The following CTNNA3 variants were observed in gnomAD, a reference collection of about 807,000 sequenced individuals.
CTNNA3 encodes catenin alpha-3.
CTNNA3 carries 76 observed loss-of-function variants against 95.7 expected under a neutral mutation model. The observed-to-expected ratio is 0.79, with a 90% confidence interval of 0.66 to 0.96. The LOEUF (loss-of-function observed/expected upper bound fraction) is 0.96. Among genes scored for constraint, CTNNA3 ranks in the 40% least tolerant of loss-of-function variants. The pLI is 0.00. For synonymous variants in CTNNA3, 431 were observed against 374.4 expected (o/e 1.15, Z -1.74); for missense variants, 1,191 against 1,089.8 (o/e 1.09, Z -1.31).
chr10:67,740,834 A>T (rs1841332940), intron 1 of CTNNA3, among the ~76,000 whole-genome samples: 1 of 151,488 alleles, frequency 6.6e-6, no homozygotes, highest in Non-Finnish European at 1.5e-5. Context: ...ACTATAAATC[A>T]TGCTGCTATA....
intron 7 of CTNNA3, among the ~76,000 whole-genome samples, chr10:67,173,406 G>A (rs1442383590): frequency 6.6e-6 from 1 of 152,076 alleles, no homozygotes; most frequent in African/African-American, 2.4e-5. Context: ...ATTCTGAAAG[G>A]CCATCCCAGC....
intron 10 of CTNNA3, among the ~76,000 whole-genome samples, chr10:66,549,766 T>G (rs979585678): frequency 6.6e-6 from 1 of 152,230 alleles, no homozygotes; most frequent in African/African-American, 2.4e-5. Flanking sequence ...CTGTTTAATT[T>G]ATAGATATTG....
At chr10:66,528,627 G>A (rs1296926123) in intron 10 of CTNNA3, among the ~76,000 whole-genome samples, 1 of 152,122 alleles carries the variant, frequency 6.6e-6, no homozygotes. Flanking sequence ...GATACATTTA[G>A]TTTGTGTTTA....
rs1399262892 is a variant in CTNNA3, at chr10:67,579,012, TATATATATATATATATATATAC to T, written c.292+27823_292+27844del. Among the ~76,000 whole-genome samples the T allele has an allele frequency of 1.5e-3, 107 of 72,672 alleles. 1 individual carries two copies. The highest frequency in any genetic ancestry group is 9.6e-3 in the African/African-American group (91 of 9,464). 47.7% of individuals were successfully genotyped at this position (72,672 alleles called of 152,430 possible). ...GATCATAGTGATATATATATATATA[TATATATATATATATATATATAC>T]ACACACACACATATATGCATATATA... On this transcript the variant is annotated intron_variant, in intron 3 of 17. Coordinates refer to ENST00000433211, the MANE Select transcript of CTNNA3 (RefSeq NM_013266.4).
intron 9 of CTNNA3, among the ~76,000 whole-genome samples, chr10:66,646,333 T>A (rs1845706510): frequency 6.6e-6 from 1 of 151,984 alleles, no homozygotes; most frequent in Non-Finnish European, 1.5e-5. Flanking sequence ...AAACAAAAAA[T>A]GAGATTATAG....
intron 10 of CTNNA3, among the ~76,000 whole-genome samples, chr10:66,540,620 C>A (rs1841816557): frequency 1.3e-5 from 2 of 151,866 alleles, no homozygotes; most frequent in African/African-American, 4.8e-5. Flanking sequence ...AGGTCCCCTC[C>A]CCTCCCCTCC....
intron 7 of CTNNA3, among the ~76,000 whole-genome samples, chr10:66,877,096 T>G (rs550732809): frequency 1.4e-3 from 213 of 152,216 alleles, no homozygotes; most frequent in African/African-American, 5.0e-3. Context: ...CTGGCACCTG[T>G]CTTTCCCTCC....
At chr10:66,029,419 A>G (rs559320544) in intron 15 of CTNNA3, among the ~76,000 whole-genome samples, 67 of 152,090 alleles carry the variant, frequency 4.4e-4, no homozygotes, top group Non-Finnish European at 7.1e-4. Flanking sequence ...GATCAGGTAC[A>G]CTTCCCAGGT....
rs573982400 is a variant in CTNNA3, at chr10:66,538,960, A to T, written c.1375-18187T>A. On this transcript the variant is annotated intron_variant, in intron 10 of 17. Coordinates refer to ENST00000433211, the MANE Select transcript of CTNNA3 (RefSeq NM_013266.4). Reference sequence around the variant, plus strand: ...CAGTATCATTTGTTCACACATTACCATCTATCTTACCTAACCTGTAGAACT... The same window carrying T: ...CAGTATCATTTGTTCACACATTACCTTCTATCTTACCTAACCTGTAGAACT... Among the ~76,000 whole-genome samples, 4 of 152,250 alleles carry T rather than the reference A, an allele frequency of 2.6e-5. No homozygotes were observed. The East Asian group carries it at 7.7e-4, about 29-fold the overall frequency.
At chr10:66,446,729 G>A (rs534126237) in intron 11 of CTNNA3, among the ~76,000 whole-genome samples, 1 of 152,204 alleles carries the variant, frequency 6.6e-6, no homozygotes, top group African/African-American at 2.4e-5. Context: ...TACTGAATGG[G>A]CAAAATCTGG....
At chr10:66,713,298 C>G (rs2132612555) in intron 9 of CTNNA3, among the ~76,000 whole-genome samples, 1 of 152,256 alleles carries the variant, frequency 6.6e-6, no homozygotes, top group East Asian at 1.9e-4. Context: ...CACTTCCCAT[C>G]TCTCCTAATC....
At position 66,153,595 on chromosome 10, in the gene CTNNA3, G is replaced by A. The variant is rs2084320840; in HGVS notation, c.1885-50346C>T. Reference sequence around the variant, plus strand: ...GGCAAAGTTTGTATACCAATTTGGGGGCTCTTATCTTCTGGATTTCTCTTT... The same window carrying A: ...GGCAAAGTTTGTATACCAATTTGGGAGCTCTTATCTTCTGGATTTCTCTTT... On this transcript the variant is annotated intron_variant, in intron 13 of 17. Transcript: ENST00000433211. Among the ~76,000 whole-genome samples, 5 of 151,746 alleles carry A rather than the reference G, an allele frequency of 3.3e-5. No individual in the cohort carries two copies. In the Admixed American group the frequency reaches 3.3e-4, roughly 10 times the overall value.
chr10:67,438,162 A>C (rs1447455288), intron 5 of CTNNA3, among the ~76,000 whole-genome samples: 1 of 152,178 alleles, frequency 6.6e-6, no homozygotes, highest in Non-Finnish European at 1.5e-5. Context: ...ACTTACTGGC[A>C]TAAGCAGTAC....
At chr10:67,279,677 A>T (rs1839321244) in intron 5 of CTNNA3, among the ~76,000 whole-genome samples, 1 of 150,308 alleles carries the variant, frequency 6.7e-6, no homozygotes, top group East Asian at 1.9e-4. Flanking sequence ...AAGGCGGCTG[A>T]CTCAGCCTTC....
chr10:66,655,211 T>C (rs1045776641), intron 9 of CTNNA3, among the ~76,000 whole-genome samples: 3 of 152,104 alleles, frequency 2.0e-5, no homozygotes, highest in African/African-American at 7.2e-5. Flanking sequence ...CACAATTTTA[T>C]TTGTCATTTA....
chr10:66,941,103 A>T (rs1414414866), intron 7 of CTNNA3, among the ~76,000 whole-genome samples: 3 of 152,220 alleles, frequency 2.0e-5, no homozygotes, highest in Non-Finnish European at 2.9e-5. Context: ...TTATCCAGGG[A>T]GGTACTTTAC....
At chr10:66,219,015 A>G (rs1000841318) in intron 13 of CTNNA3, among the ~76,000 whole-genome samples, 3 of 152,198 alleles carry the variant, frequency 2.0e-5, no homozygotes, top group Non-Finnish European at 4.4e-5. Flanking sequence ...GTGGTTATTC[A>G]TATGCTTGTC....
chr10:67,058,053 G>A (rs1274180392), intron 7 of CTNNA3, among the ~76,000 whole-genome samples: 1 of 152,076 alleles, frequency 6.6e-6, no homozygotes, highest in Non-Finnish European at 1.5e-5. Context: ...GTGTCCCCAA[G>A]ACCTGTCATG....
At chr10:67,685,317 T>C (rs1046358918) in intron 1 of CTNNA3, among the ~76,000 whole-genome samples, 2 of 152,250 alleles carry the variant, frequency 1.3e-5, no homozygotes, top group Admixed American at 1.3e-4. Flanking sequence ...GTAAGTACTT[T>C]AAGGTTTAGC....
Sources: allele counts gnomAD v4.1 joint callset (sites outside exome capture counted in the v4.1 genomes callset), GRCh38; gene constraint gnomAD v4.1.1; transcripts MANE v1.5; gene names NCBI Gene and HGNC (gene_info 2026-07-23, HGNC 2026-07-21).